The following PCDHGA2 variants were observed in gnomAD, a reference collection of about 807,000 sequenced individuals.
The protein encoded by PCDHGA2 is protocadherin gamma subfamily A, 2.
A neutral mutation model predicts 59.2 loss-of-function variants in PCDHGA2; 40 were observed. The ratio of observed to expected loss-of-function variants is 0.68; its 90% CI spans 0.52 to 0.88. The LOEUF (loss-of-function observed/expected upper bound fraction) is 0.88, where lower values mean the gene tolerates loss of function less well. Among genes scored for constraint, PCDHGA2 ranks in the 40% least tolerant of loss-of-function variants. PCDHGA2 has a pLI of 0.00. For missense variants in PCDHGA2, 1,226 were observed against 1,204.0 expected (o/e 1.02, Z -0.27); for synonymous variants, 560 against 526.0 (o/e 1.06, Z -0.89).
At chr5:141,452,046 T>C (rs767493861) in intron 1 of PCDHGA2, among the ~76,000 whole-genome samples, 1 of 152,242 alleles carries the variant, frequency 6.6e-6, no homozygotes, top group Non-Finnish European at 1.5e-5. Context: ...TAACTCCATT[T>C]GTAATAACTT....
chr5:141,403,343 C>T (rs774711306), intron 1 of PCDHGA2: 10 of 1,614,000 alleles, frequency 6.2e-6, no homozygotes, highest in Admixed American at 1.7e-5. Context: ...CGACAGCGCC[C>T]CAAAGTTCCA....
Position 141,375,311 on chromosome 5 carries a change from C to G in PCDHGA2, c.2424+33916C>G, listed in dbSNP as rs367639660. On this transcript the variant is annotated intron_variant, in intron 1 of 3. Transcript: ENST00000394576. ...TTATCGATTAGTGACAAATGCAGCTCTAGACCGGGAAGAGGTATTCTTGTA... is the reference window on the plus strand; with the variant it reads ...TTATCGATTAGTGACAAATGCAGCTGTAGACCGGGAAGAGGTATTCTTGTA... The G allele has an allele frequency of 2.0e-5, 32 of 1,613,730 alleles. No individual in the cohort carries two copies. The Middle Eastern group carries it at 4.9e-4, about 25-fold the overall frequency.
intron 1 of PCDHGA2, among the ~76,000 whole-genome samples, chr5:141,450,639 A>T (rs1390959433): frequency 6.6e-6 from 1 of 151,390 alleles, no homozygotes; most frequent in Non-Finnish European, 1.5e-5. Flanking sequence ...GATGCCTGCC[A>T]CCATGCCTGG....
At chr5:141,455,911 ATTTT>A (rs1404284843) in intron 1 of PCDHGA2, among the ~76,000 whole-genome samples, 2 of 114,614 alleles carry the variant, frequency 1.7e-5, no homozygotes, top group African/African-American at 3.3e-5. Context: ...TTATTTATTT[ATTTT>A]GAGACGGAGT....
intron 1 of PCDHGA2, chr5:141,399,913 C>T: frequency 2.5e-6 from 4 of 1,612,372 alleles, no homozygotes; most frequent in Non-Finnish European, 3.4e-6. Context: ...AGACTCAGGA[C>T]ACAACGCCTG....
At chr5:141,425,524 G>C (rs2096881323) in intron 1 of PCDHGA2, among the ~76,000 whole-genome samples, 1 of 152,184 alleles carries the variant, frequency 6.6e-6, no homozygotes, top group Non-Finnish European at 1.5e-5. Context: ...GATGAAACAT[G>C]AAACAATAAT....
chr5:141,421,847 C>G, intron 1 of PCDHGA2: 1 of 1,613,752 alleles, frequency 6.2e-7, no homozygotes, highest in Non-Finnish European at 8.5e-7. Flanking sequence ...GAGAAAGAGG[C>G]TGCTCACCTG....
At chr5:141,415,359 G>C in intron 1 of PCDHGA2, 2 of 1,614,246 alleles carry the variant, frequency 1.2e-6, no homozygotes, top group Non-Finnish European at 1.7e-6. Flanking sequence ...AGTCACGCCT[G>C]CTGCAGGCTT....
chr5:141,426,718 C>G, intron 1 of PCDHGA2: 1 of 446,166 alleles, frequency 2.2e-6, no homozygotes, highest in Non-Finnish European at 4.6e-6. Flanking sequence ...AATGAACTAG[C>G]AATTCCAGGC....
At chr5:141,462,314 A>C (rs1283684392) in intron 1 of PCDHGA2, among the ~76,000 whole-genome samples, 1 of 152,186 alleles carries the variant, frequency 6.6e-6, no homozygotes, top group Non-Finnish European at 1.5e-5. Flanking sequence ...TATATTTGTC[A>C]CTGATTTCTA....
At position 141,393,567 on chromosome 5, in the gene PCDHGA2, C is replaced by T. The variant is rs766591189; in HGVS notation, c.2424+52172C>T. 6 of 1,613,798 alleles carry T rather than the reference C, an allele frequency of 3.7e-6. No homozygotes were observed. The African/African-American group carries it at 6.7e-5, about 18-fold the overall frequency. ...TCACCCGATTTACCGAGTGAAAGTC[C>T]TTGAGAACATGCCCCCAGGCACGCG... On this transcript the variant is annotated intron_variant, in intron 1 of 3. Transcript: ENST00000394576.
intron 1 of PCDHGA2, chr5:141,409,830 G>C: frequency 6.2e-7 from 1 of 1,611,250 alleles, no homozygotes; most frequent in Non-Finnish European, 8.5e-7. Context: ...CCCACGCTCA[G>C]CGCCAACGTG....
At chr5:141,349,463 C>T (rs1758301249) in intron 1 of PCDHGA2, among the ~76,000 whole-genome samples, 1 of 152,106 alleles carries the variant, frequency 6.6e-6, no homozygotes, top group Non-Finnish European at 1.5e-5. Flanking sequence ...TGTATGTGTA[C>T]CCCAACACTA....
intron 1 of PCDHGA2, among the ~76,000 whole-genome samples, chr5:141,382,046 C>G (rs1241597403): frequency 6.6e-6 from 1 of 151,928 alleles, no homozygotes. Flanking sequence ...TCAGGCTGGT[C>G]TCAAGCTCCC....
chr5:141,381,826 C>CTTTTTTTTTTTTTTTTTTTTTTTTTTTTT (rs770630741), intron 1 of PCDHGA2, among the ~76,000 whole-genome samples: 16 of 74,292 alleles, frequency 2.2e-4, no homozygotes, highest in Admixed American at 5.8e-4. Context: ...CTTTCTTCTT[C>CTTTTTTTTTTTTTTTTTTTTTTTTTTTTT]TTTTTTTTTT....
intron 1 of PCDHGA2, chr5:141,417,503 T>G (rs1171198405): frequency 8.7e-6 from 2 of 229,844 alleles, no homozygotes; most frequent in East Asian, 1.9e-4. Context: ...GGAAAAAGAT[T>G]AAAATATTTT....
At chr5:141,508,792 C>T (rs1198342551) in intron 3 of PCDHGA2, among the ~76,000 whole-genome samples, 3 of 152,130 alleles carry the variant, frequency 2.0e-5, no homozygotes, top group Admixed American at 6.5e-5. Flanking sequence ...CTAAATCACT[C>T]TGGAATCCTG....
chr5:141,370,403 T>C (rs1766874006), intron 1 of PCDHGA2: 2 of 1,554,604 alleles, frequency 1.3e-6, no homozygotes, highest in Non-Finnish European at 1.7e-6. Context: ...GGATGGGAAA[T>C]AGCTCCGGAT....
intron 1 of PCDHGA2, chr5:141,384,950 C>G: frequency 6.2e-7 from 1 of 1,614,122 alleles, no homozygotes; most frequent in East Asian, 2.2e-5. Flanking sequence ...TCCGACGGTC[C>G]TTACAACTAT....
Sources: gnomAD v4.1 joint callset for allele counts (sites outside exome capture counted in the v4.1 genomes callset) on GRCh38, gnomAD v4.1.1 for gene constraint, MANE v1.5 for transcripts, NCBI Gene and HGNC (gene_info 2026-07-23, HGNC 2026-07-21) for gene names.